The following SDK2 variants were observed in gnomAD, a reference collection of about 807,000 sequenced individuals.
SDK2 encodes the protein sidekick cell adhesion molecule 2.
A neutral mutation model predicts 253.9 loss-of-function variants in SDK2; 105 were observed. That is an observed-to-expected ratio of 0.41 (90% CI 0.35 to 0.49). The LOEUF is 0.49. Among genes scored for constraint, SDK2 ranks in the 20% least tolerant of loss-of-function variants. The probability of loss-of-function intolerance (pLI) is 0.06; values close to 1 mark genes in which losing one functional copy is unlikely to be tolerated. For missense variants in SDK2, 2,608 were observed against 3,003.0 expected (o/e 0.87, Z 3.07); for synonymous variants, 1,249 against 1,234.9 (o/e 1.01, Z -0.24).
In SDK2 at chr17:73,564,699, C is replaced by A. The variant is rs190439751; in HGVS notation, c.65-57102G>T. Among the ~76,000 whole-genome samples the A allele has an allele frequency of 2.0e-5, 3 of 152,244 alleles. No homozygotes were observed. The East Asian group carries it at 5.8e-4, about 29-fold the overall frequency. On this transcript the variant is annotated intron_variant, in intron 1 of 44. Coordinates refer to ENST00000392650, the MANE Select transcript of SDK2 (RefSeq NM_001144952.2). ...AATTAGCTGGGCATGGTGGCGTATACCTGCAGTCCCATCTACTCGGGAGGC... is the reference window on the plus strand; with the variant it reads ...AATTAGCTGGGCATGGTGGCGTATAACTGCAGTCCCATCTACTCGGGAGGC...
intron 1 of SDK2, among the ~76,000 whole-genome samples, chr17:73,588,042 GAAC>G (rs2045625483): frequency 6.6e-6 from 1 of 152,080 alleles, no homozygotes; most frequent in African/African-American, 2.4e-5. Context: ...GGAGTCCCAG[GAAC>G]AGCTGAAACA....
chr17:73,581,528 A>G (rs2045534551), intron 1 of SDK2, among the ~76,000 whole-genome samples: 1 of 152,222 alleles, frequency 6.6e-6, no homozygotes, highest in African/African-American at 2.4e-5. Flanking sequence ...CAAGGCTTAG[A>G]GGCTTTTAGG....
rs2145607857 is a variant in SDK2, at chr17:73,431,019, C to T, written c.1481-406G>A. Among the ~76,000 whole-genome samples, 1 of 152,324 alleles carries T rather than the reference C, an allele frequency of 6.6e-6. No homozygotes were observed. The highest frequency in any genetic ancestry group is 1.5e-5 in the Non-Finnish European group (1 of 68,038). On this transcript the variant is annotated intron_variant, in intron 11 of 44. Coordinates refer to ENST00000392650, the MANE Select transcript of SDK2 (RefSeq NM_001144952.2). This position sits in a 1 kb window ranked among gnomAD's most constrained non-coding sequence, Gnocchi z 5.6. ...TCTTACAGCAGGGGTCGGCTAACTA[C>T]AGGCTGGGGGCCAAATCCGGCAGGT... is the stretch of plus-strand genomic sequence containing the variant.
rs1568385775 is a variant in SDK2 at position 73,405,510 on chromosome 17, A to ATG, written c.2485-3370_2485-3369insCA. 4.3e-4 allele frequency among the ~76,000 whole-genome samples: 27 copies of ATG among 63,244 alleles called. 2 individuals carry two copies. The highest frequency in any genetic ancestry group is 1.6e-3 in the African/African-American group (26 of 16,632). 41.5% of individuals were successfully genotyped at this position (63,244 alleles called of 152,430 possible). A position where few individuals can be genotyped will look rare whatever the true frequency, so the allele number is the denominator to read the frequency against. On this transcript the variant is annotated intron_variant, in intron 18 of 44. Transcript: ENST00000392650. ...TATATATATATATATATATATATATATATATATAAAGATCGAGAATGTGGA... is the reference window on the plus strand; with the variant it reads ...TATATATATATATATATATATATATATGTATATATAAAGATCGAGAATGTGGA...
chr17:73,449,410 A>G (rs1207012930), intron 4 of SDK2, among the ~76,000 whole-genome samples: 1 of 152,118 alleles, frequency 6.6e-6, no homozygotes, highest in East Asian at 1.9e-4. Flanking sequence ...ACAGGCTCTC[A>G]AATAAACATC....
intron 1 of SDK2, among the ~76,000 whole-genome samples, chr17:73,509,790 C>T (rs547847468): frequency 1.3e-5 from 2 of 149,696 alleles, no homozygotes; most frequent in South Asian, 4.3e-4. Context: ...GTCCTAGCTA[C>T]TTGGGAGGCT....
chr17:73,528,281 A>G (rs1057376911), intron 1 of SDK2, among the ~76,000 whole-genome samples: 4 of 152,154 alleles, frequency 2.6e-5, no homozygotes, highest in African/African-American at 9.7e-5. Flanking sequence ...GTACATCTCC[A>G]AAGTCTCCCC....
chr17:73,385,979 A>G (rs959732942), intron 31 of SDK2, 62 bp from the exon 32 acceptor site: 2 of 1,268,442 alleles, frequency 1.6e-6, no homozygotes, highest in Non-Finnish European at 2.2e-6. Context: ...CCAGGAGCCC[A>G]CTGAGACCAG....
At chr17:73,582,474 G>C (rs1024591849) in intron 1 of SDK2, among the ~76,000 whole-genome samples, 1 of 152,226 alleles carries the variant, frequency 6.6e-6, no homozygotes, top group East Asian at 1.9e-4. Flanking sequence ...CTGACTCTCA[G>C]AGCCTGTGGC....
intron 1 of SDK2, among the ~76,000 whole-genome samples, chr17:73,592,268 GC>G (rs2045693427): frequency 6.6e-6 from 1 of 152,210 alleles, no homozygotes; most frequent in African/African-American, 2.4e-5. Flanking sequence ...AGGCCTCTCG[GC>G]CCCCATCATG....
chr17:73,538,109 T>C (rs1344387611), intron 1 of SDK2, among the ~76,000 whole-genome samples: 2 of 152,178 alleles, frequency 1.3e-5, no homozygotes, highest in African/African-American at 4.8e-5. Flanking sequence ...CGGTGTTCAC[T>C]GCACTTGGCC....
intron 10 of SDK2, among the ~76,000 whole-genome samples, chr17:73,432,419 G>A (rs577966696): frequency 2.0e-5 from 3 of 152,140 alleles, no homozygotes; most frequent in Non-Finnish European, 2.9e-5. Flanking sequence ...TTGTACATGC[G>A]TGCAGGCACA....
At chr17:73,587,600 G>A (rs2045619699) in intron 1 of SDK2, among the ~76,000 whole-genome samples, 1 of 152,172 alleles carries the variant, frequency 6.6e-6, no homozygotes, top group Non-Finnish European at 1.5e-5. Context: ...GGACTCTGAG[G>A]CCACTTCTGG....
At chr17:73,364,675 G>A (rs1051328685) in intron 38 of SDK2, among the ~76,000 whole-genome samples, 1 of 152,148 alleles carries the variant, frequency 6.6e-6, no homozygotes, top group Non-Finnish European at 1.5e-5. Flanking sequence ...AGGCTGGAGT[G>A]CAGTGGCGTG....
rs1203368803 is a variant in SDK2 at position 73,467,768 on chromosome 17, C to T, written c.331+4344G>A. 1.3e-5 allele frequency among the ~76,000 whole-genome samples: 2 copies of T among 152,154 alleles called. No individual in the cohort carries two copies. The highest frequency in any genetic ancestry group is 2.9e-5 in the Non-Finnish European group (2 of 68,028). The stretch of plus-strand genomic sequence containing the variant: ...TTTCTAACTTCCTGGCTTTAGGGCC[C>T]AAAGGGCTGTGGACTGTGGTTACCA... On this transcript the variant is annotated intron_variant, in intron 3 of 44. Coordinates refer to ENST00000392650, the MANE Select transcript of SDK2 (RefSeq NM_001144952.2). This position sits in a 1 kb window ranked among gnomAD's most constrained non-coding sequence, Gnocchi z 4.1.
chr17:73,517,063 C>T (rs1476906932), intron 1 of SDK2: 1 of 152,228 alleles, frequency 6.6e-6, no homozygotes, highest in Non-Finnish European at 1.5e-5. Context: ...AAGCAGAACA[C>T]ATCACACAGA....
intron 12 of SDK2, among the ~76,000 whole-genome samples, chr17:73,424,811 G>A (rs1209716611): frequency 1.3e-5 from 2 of 152,210 alleles, no homozygotes; most frequent in Non-Finnish European, 2.9e-5. Context: ...AAATAGCCCC[G>A]TTCAGCTGGG....
intron 27 of SDK2, among the ~76,000 whole-genome samples, chr17:73,391,914 C>T (rs1033484872): frequency 5.9e-5 from 9 of 151,544 alleles, no homozygotes; most frequent in African/African-American, 2.2e-4. Context: ...GGTGAAGTGG[C>T]CGTGGGGTAA....
chr17:73,599,660 A>T (rs2045810481), intron 1 of SDK2, among the ~76,000 whole-genome samples: 1 of 152,170 alleles, frequency 6.6e-6, no homozygotes, highest in Non-Finnish European at 1.5e-5. Context: ...GGAGGGGAAC[A>T]CACATTAAGC....
Sources: allele counts gnomAD v4.1 joint callset (sites outside exome capture counted in the v4.1 genomes callset), GRCh38; gene constraint gnomAD v4.1.1; non-coding constraint Gnocchi (gnomAD v3.1); transcripts MANE v1.5; gene names NCBI Gene and HGNC (gene_info 2026-07-23, HGNC 2026-07-21).